ALDH1A1: variants seen among roughly 807,000 people sequenced by gnomAD.
ALDH1A1 encodes aldehyde dehydrogenase 1A1.
A neutral mutation model predicts 62.1 loss-of-function variants in ALDH1A1; 19 were observed. The ratio of observed to expected loss-of-function variants is 0.31; its 90% CI spans 0.21 to 0.45. ALDH1A1 has a LOEUF of 0.45. ALDH1A1 is among the 20% of genes least tolerant of loss of function. ALDH1A1 has a pLI of 1.00. For synonymous variants in ALDH1A1, 231 were observed against 215.9 expected (o/e 1.07, Z -0.61); for missense variants, 521 against 607.1 (o/e 0.86, Z 1.49).
At chr9:72,915,027 C>G (rs905574704) in intron 9 of ALDH1A1, among the ~76,000 whole-genome samples, 1 of 152,054 alleles carries the variant, frequency 6.6e-6, no homozygotes, top group African/African-American at 2.4e-5. Flanking sequence ...GAGCCCAGGG[C>G]TTTTTAGTCT....
At chr9:72,949,619 C>A (rs530285564) in intron 1 of ALDH1A1, among the ~76,000 whole-genome samples, 3 of 150,244 alleles carry the variant, frequency 2.0e-5, no homozygotes, top group Non-Finnish European at 4.4e-5. Flanking sequence ...GCAGAGTAAG[C>A]ACAATAAATT....
chr9:72,944,364 G>A (rs1425008751), intron 1 of ALDH1A1, among the ~76,000 whole-genome samples: 1 of 152,070 alleles, frequency 6.6e-6, no homozygotes, highest in Admixed American at 6.6e-5. Context: ...CATGAAAAGG[G>A]AATTTGGCAT....
chr9:72,919,333 A>G (rs1027113695), intron 7 of ALDH1A1, among the ~76,000 whole-genome samples: 4 of 152,122 alleles, frequency 2.6e-5, no homozygotes, highest in Admixed American at 6.5e-5. Context: ...TATCCAGTCA[A>G]ACTGACATAT....
chr9:72,946,702 G>A (rs1427799862), intron 1 of ALDH1A1, among the ~76,000 whole-genome samples: 1 of 151,696 alleles, frequency 6.6e-6, no homozygotes, highest in Non-Finnish European at 1.5e-5. Flanking sequence ...ATATCCCCTG[G>A]CTATAGTTAT....
rs1830096941 is a variant in ALDH1A1, at chr9:72,918,784, A to G, written c.786T>C (p.Asn262=). 6.2e-7 allele frequency: 1 copy of G among 1,613,910 alleles called. No individual in the cohort carries two copies. The highest frequency in any genetic ancestry group is 1.3e-5 in the African/African-American group (1 of 74,898). The change falls in exon 8 of 13, where the codon AAT becomes AAC. Residue 262 remains asparagine, a synonymous_variant. Coordinates refer to ENST00000297785, the MANE Select transcript of ALDH1A1 (RefSeq NM_000689.5). ...CAAGCTCCAGGGTCACCCTCTTCAG[A>G]TTGCTTTTCCCGGCAGCTTCTTTGA... ...KLIKEAAGKS[N]LKRVTLELGG...
At chr9:72,917,956 A>G (rs2118512036) in intron 8 of ALDH1A1, among the ~76,000 whole-genome samples, 1 of 152,362 alleles carries the variant, frequency 6.6e-6, no homozygotes, top group African/African-American at 2.4e-5. Context: ...TTTCATGTTT[A>G]TAGAATATTT....
chr9:72,939,394 T>C (rs1338528122), intron 2 of ALDH1A1, among the ~76,000 whole-genome samples: 1 of 152,172 alleles, frequency 6.6e-6, no homozygotes, highest in Non-Finnish European at 1.5e-5. Context: ...AATATAATTT[T>C]TACAGGTGTT....
At chr9:72,927,219 T>A in intron 4 of ALDH1A1, 42 bp from the exon 5 acceptor site, 1 of 1,430,608 alleles carries the variant, frequency 7.0e-7, no homozygotes, top group Non-Finnish European at 9.7e-7. Flanking sequence ...AACAAATGTA[T>A]TTGACATTCA....
intron 2 of ALDH1A1, 53 bp downstream of exon 2, chr9:72,940,095 G>T: frequency 7.2e-7 from 1 of 1,384,698 alleles, no homozygotes; most frequent in South Asian, 1.2e-5. Flanking sequence ...AGCTCAGAAT[G>T]GCAAAAAACC....
rs1408947394 is a variant in ALDH1A1, at chr9:72,912,107, A to G, written c.1051T>C (p.Tyr351His). ...TCAATGAGGTCAAGTATTTTATCAT[A>G]TTGTTCCTTGTCAATCTATTTGAAA... ...TQGPQIDKEQ[Y>H]DKILDLIESG... is the part of the protein sequence containing the mutation. Residue 351 changes from tyrosine (Y) to histidine (H), a missense_variant, in exon 10 of 13, where the codon TAT becomes CAT. Physicochemically the swap from Tyr to His is moderately conservative, Grantham distance 83. Coordinates refer to ENST00000297785, the MANE Select transcript of ALDH1A1 (RefSeq NM_000689.5). 6.2e-7 allele frequency: 1 copy of G among 1,612,586 alleles called. No homozygotes were observed.
chr9:72,947,986 G>C (rs1830494118), intron 1 of ALDH1A1, among the ~76,000 whole-genome samples: 1 of 151,914 alleles, frequency 6.6e-6, no homozygotes, highest in Admixed American at 6.6e-5. Context: ...GAATCAAGGA[G>C]AGAAAGGACT....
Position 72,924,001 on chromosome 9 carries a change from C to A in ALDH1A1, c.747+18G>T. ...AATGCAGACATTCTTAACTTTTGCCCTGAGTAAATAATATTACCTCTGTTG... is the reference window on the plus strand; with the variant it reads ...AATGCAGACATTCTTAACTTTTGCCATGAGTAAATAATATTACCTCTGTTG... On this transcript the variant is annotated intron_variant, in intron 7 of 12. Transcript: ENST00000297785. The A allele has an allele frequency of 6.5e-7, 1 of 1,546,066 alleles. No individual in the cohort carries two copies. The highest frequency in any genetic ancestry group is 1.2e-5 in the South Asian group (1 of 84,172).
chr9:72,952,970 C>T lies in ALDH1A1; in HGVS notation c.31G>A (p.Val11Ile), dbSNP rs2118592132. The T allele has an allele frequency of 6.2e-7, 1 of 1,613,136 alleles. No individual in the cohort carries two copies. The highest frequency in any genetic ancestry group is 8.5e-7 in the Non-Finnish European group (1 of 1,179,340). Residue 11 changes from valine to isoleucine, a missense_variant, in exon 1 of 13, where the codon GTC (valine) becomes ATC (isoleucine). Val to Ile is a conservative substitution (Grantham distance 29). Transcript: ENST00000297785. ...TGAATCTTCAAATCGGTGAGTAGGA[C>T]AGGTAAGTCTGGCGTGCCTGAGGAT... MSSSGTPDLP[V>I]LLTDLKIQYT...
chr9:72,907,081 T>C (rs1829886374), intron 11 of ALDH1A1, among the ~76,000 whole-genome samples: 1 of 152,350 alleles, frequency 6.6e-6, no homozygotes, highest in Non-Finnish European at 1.5e-5. Context: ...TATCCTGAGA[T>C]AATATTCAGA....
intron 7 of ALDH1A1, among the ~76,000 whole-genome samples, chr9:72,922,284 AC>A (rs1327133388): frequency 1.3e-5 from 2 of 152,198 alleles, no homozygotes; most frequent in East Asian, 3.9e-4. Flanking sequence ...AGGCTACTTA[AC>A]TTTTTAAAGA....
intron 9 of ALDH1A1, 58 bp downstream of exon 9, chr9:72,916,862 A>G: frequency 7.1e-7 from 1 of 1,409,162 alleles, no homozygotes. Context: ...ATCTAGGTCT[A>G]AAGAGGATAC....
chr9:72,926,202 G>A (rs1830205853), intron 5 of ALDH1A1, among the ~76,000 whole-genome samples: 1 of 152,122 alleles, frequency 6.6e-6, no homozygotes, highest in South Asian at 2.1e-4. Context: ...AGGCTGTCTT[G>A]AGCATTAACC....
At chr9:72,909,321 T>A (rs1291019369) in intron 11 of ALDH1A1, among the ~76,000 whole-genome samples, 1 of 151,846 alleles carries the variant, frequency 6.6e-6, no homozygotes, top group African/African-American at 2.4e-5. Flanking sequence ...ACCCATCTAA[T>A]TTTTGTATTT....
chr9:72,907,307 A>G (rs1829889036), intron 11 of ALDH1A1, among the ~76,000 whole-genome samples: 1 of 152,186 alleles, frequency 6.6e-6, no homozygotes, highest in Non-Finnish European at 1.5e-5. Flanking sequence ...GCAACTCTGG[A>G]GTTCAATAAT....
Sources: allele counts gnomAD v4.1 joint callset (sites outside exome capture counted in the v4.1 genomes callset), GRCh38; gene constraint gnomAD v4.1.1; transcripts MANE v1.5; gene names NCBI Gene and HGNC (gene_info 2026-07-23, HGNC 2026-07-21).